NDUFAF2: variants seen among roughly 807,000 people sequenced by gnomAD.
The protein encoded by NDUFAF2 is NADH dehydrogenase [ubiquinone] 1 alpha subcomplex assembly factor 2.
Under a neutral mutation model 22.8 loss-of-function variants are expected in NDUFAF2, and 13 were observed. That is an observed-to-expected ratio of 0.57 (90% CI 0.37 to 0.91). The LOEUF is 0.91. Ranked by LOEUF, NDUFAF2 falls within the 40% of genes least tolerant of loss-of-function variation. The pLI is 0.01. For missense variants in NDUFAF2, 162 were observed against 195.2 expected (o/e 0.83, Z 1.01); for synonymous variants, 53 against 64.2 (o/e 0.83, Z 0.84).
At chr5:61,072,673 T>C (rs1752314530) in intron 1 of NDUFAF2, among the ~76,000 whole-genome samples, 1 of 152,198 alleles carries the variant, frequency 6.6e-6, no homozygotes, top group South Asian at 2.1e-4. Context: ...CTCGGTTCAC[T>C]GCAGCCTCTG....
chr5:60,954,295 C>T (rs1021771223), intron 1 of NDUFAF2, among the ~76,000 whole-genome samples: 2 of 152,026 alleles, frequency 1.3e-5, no homozygotes, highest in Non-Finnish European at 2.9e-5. Context: ...GAAATTTGAA[C>T]TCATAGATAT....
chr5:61,048,287 A>G (rs1751978255), intron 1 of NDUFAF2, among the ~76,000 whole-genome samples: 1 of 152,156 alleles, frequency 6.6e-6, no homozygotes, highest in South Asian at 2.1e-4. Context: ...TCAAGAAAAA[A>G]CAGATAAATA....
chr5:61,040,832 G>C (rs573751083), intron 1 of NDUFAF2, among the ~76,000 whole-genome samples: 2 of 152,164 alleles, frequency 1.3e-5, no homozygotes, highest in South Asian at 4.1e-4. Context: ...ATAATTACCA[G>C]GTTTGGGTTT....
intron 3 of NDUFAF2, among the ~76,000 whole-genome samples, chr5:61,147,537 G>A (rs533343152): frequency 2.1e-5 from 3 of 141,646 alleles, no homozygotes; most frequent in South Asian, 2.3e-4. Flanking sequence ...GCCTCCCAAC[G>A]TGCTAGGATT....
chr5:60,964,807 G>GTCCT (rs1263407134), intron 1 of NDUFAF2, among the ~76,000 whole-genome samples: 1 of 151,988 alleles, frequency 6.6e-6, no homozygotes, highest in East Asian at 1.9e-4. Context: ...AACTTACTCC[G>GTCCT]TCCTGTCAAA....
chr5:61,087,937 G>A (rs965696851), intron 2 of NDUFAF2, among the ~76,000 whole-genome samples: 40 of 151,974 alleles, frequency 2.6e-4, no homozygotes, highest in African/African-American at 7.7e-4. Context: ...TACAGTTTCT[G>A]TGCATCAGGA....
intron 1 of NDUFAF2, among the ~76,000 whole-genome samples, chr5:61,059,117 T>C (rs1752133596): frequency 6.6e-6 from 1 of 152,064 alleles, no homozygotes; most frequent in African/African-American, 2.4e-5. Flanking sequence ...AGTAAAGGCA[T>C]TTCTAAGACT....
chr5:61,086,242 T>C (rs1364185067), intron 2 of NDUFAF2, among the ~76,000 whole-genome samples: 1 of 152,166 alleles, frequency 6.6e-6, no homozygotes, highest in Admixed American at 6.6e-5. Flanking sequence ...AAGACAGTAT[T>C]TCCCTTCAAA....
chr5:61,001,570 A>G (rs1239827993), intron 1 of NDUFAF2, among the ~76,000 whole-genome samples: 1 of 152,140 alleles, frequency 6.6e-6, no homozygotes, highest in Non-Finnish European at 1.5e-5. Context: ...TCCTTATTAA[A>G]TGTAGTTTGA....
intron 1 of NDUFAF2, among the ~76,000 whole-genome samples, chr5:61,008,955 G>A (rs925146523): frequency 4.0e-5 from 6 of 151,862 alleles, no homozygotes; most frequent in Admixed American, 3.3e-4. Flanking sequence ...TCCCAAGTGT[G>A]TCTTCTATTT....
chr5:61,090,498 G>GT (rs1029782905), intron 2 of NDUFAF2, among the ~76,000 whole-genome samples: 88 of 152,052 alleles, frequency 5.8e-4, no homozygotes, highest in African/African-American at 2.0e-3. Context: ...TGGCTTGCAG[G>GT]CTATACTTTG....
intron 1 of NDUFAF2, among the ~76,000 whole-genome samples, chr5:60,993,140 C>T (rs1429190739): frequency 6.6e-6 from 1 of 152,250 alleles, no homozygotes; most frequent in Non-Finnish European, 1.5e-5. Context: ...GGCACACCAG[C>T]TGCTGCAGCA....
rs1752160959 is a variant in NDUFAF2, at chr5:61,061,174, T to C, written c.128-11951T>C. 3.3e-5 allele frequency among the ~76,000 whole-genome samples: 5 copies of C among 152,292 alleles called. No homozygotes were observed. In the South Asian group the frequency reaches 1.0e-3, roughly 32 times the overall value. On this transcript the variant is annotated intron_variant, in intron 1 of 3. Transcript: ENST00000296597. ...ATATCTTGCGCAGCTTTCAAATGTG[T>C]GAGAACACTATATGCAGAAGAAAGG...
intron 1 of NDUFAF2, among the ~76,000 whole-genome samples, chr5:61,060,797 T>C (rs1263933625): frequency 6.6e-6 from 1 of 152,176 alleles, no homozygotes; most frequent in African/African-American, 2.4e-5. Flanking sequence ...CCAAGAATTA[T>C]ATATGCTTGT....
chr5:60,978,476 G>T (rs890273351), intron 1 of NDUFAF2, among the ~76,000 whole-genome samples: 1 of 152,094 alleles, frequency 6.6e-6, no homozygotes, highest in Admixed American at 6.5e-5. Flanking sequence ...AGGCAAATGG[G>T]AAACAGAAAC....
chr5:61,090,450 C>A (rs1752552752), intron 2 of NDUFAF2, among the ~76,000 whole-genome samples: 1 of 151,878 alleles, frequency 6.6e-6, no homozygotes, highest in South Asian at 2.1e-4. Context: ...GATGTTTTTG[C>A]AACCATTAAA....
intron 1 of NDUFAF2, among the ~76,000 whole-genome samples, chr5:61,012,712 C>G (rs1751457316): frequency 6.6e-6 from 1 of 151,792 alleles, no homozygotes; most frequent in Non-Finnish European, 1.5e-5. Context: ...TTTGAAAAAT[C>G]ATTTAATTAA....
intron 1 of NDUFAF2, among the ~76,000 whole-genome samples, chr5:61,055,101 A>T (rs922778101): frequency 3.3e-5 from 5 of 152,230 alleles, no homozygotes; most frequent in African/African-American, 1.2e-4. Context: ...AGAAGAGGAA[A>T]ATATATATAG....
intron 1 of NDUFAF2, among the ~76,000 whole-genome samples, chr5:60,984,093 T>C (rs1208052751): frequency 6.6e-6 from 1 of 152,204 alleles, no homozygotes; most frequent in Non-Finnish European, 1.5e-5. Flanking sequence ...TGGTTTGTAG[T>C]TCTCCTTGAA....
Sources: allele counts gnomAD v4.1 joint callset (sites outside exome capture counted in the v4.1 genomes callset), GRCh38; gene constraint gnomAD v4.1.1; transcripts MANE v1.5; gene names NCBI Gene and HGNC (gene_info 2026-07-23, HGNC 2026-07-21).